ITGAE: variants seen among roughly 807,000 people sequenced by gnomAD.
ITGAE encodes the protein integrin subunit alpha E.
ITGAE carries 99 observed loss-of-function variants against 136.5 expected under a neutral mutation model. The observed-to-expected ratio is 0.73, with a 90% CI of 0.62 to 0.86. The LOEUF (loss-of-function observed/expected upper bound fraction) is 0.86, where lower values mean the gene tolerates loss of function less well. Among genes scored for constraint, ITGAE ranks in the 40% least tolerant of loss-of-function variants. The pLI is 0.00. For missense variants in ITGAE, 1,447 were observed against 1,515.3 expected, an observed-to-expected ratio of 0.95 and a Z score of 0.75; for synonymous variants, 613 against 591.8, an observed-to-expected ratio of 1.04 and a Z score of -0.52.
At chr17:3,755,440 C>A (rs1411126787) in intron 11 of ITGAE, among the ~76,000 whole-genome samples, 179 bp from the exon 12 acceptor site, 1 of 152,234 alleles carries the variant, frequency 6.6e-6, no homozygotes, top group Non-Finnish European at 1.5e-5. Context: ...CACTGGGCTC[C>A]TGCCTCGTGC....
intron 27 of ITGAE, 116 bp downstream of exon 27, chr17:3,723,572 T>G: frequency 8.4e-7 from 1 of 1,186,454 alleles, no homozygotes; most frequent in Non-Finnish European, 1.2e-6. Flanking sequence ...AGGGAGGGCC[T>G]GGCAGCCCCC....
At chr17:3,749,567 G>T (rs1003190382) in intron 16 of ITGAE, among the ~76,000 whole-genome samples, 1 of 152,052 alleles carries the variant, frequency 6.6e-6, no homozygotes, top group African/African-American at 2.4e-5. Flanking sequence ...TCTGTTTTTA[G>T]ACGTGTTCAC....
chr17:3,790,063 C>T, intron 1 of ITGAE, among the ~76,000 whole-genome samples: 1 of 152,100 alleles, frequency 6.6e-6, no homozygotes, highest in East Asian at 1.9e-4. Flanking sequence ...TAGGAGTGGG[C>T]CTCTCAGGCA....
At chr17:3,722,581 G>A (rs773088568) in intron 28 of ITGAE, 75 of 152,152 alleles carry the variant, frequency 4.9e-4, no homozygotes, top group Non-Finnish European at 9.2e-4. Flanking sequence ...CAAAGGAACA[G>A]CAAGTACAAA....
At chr17:3,729,668 C>T (rs1469363821) in intron 23 of ITGAE, 113 bp from the exon 24 acceptor site, 16 of 755,688 alleles carry the variant, frequency 2.1e-5, no homozygotes, top group Admixed American at 1.6e-4. Context: ...CGTCTCAGCT[C>T]ACTGCAACCT....
intron 23 of ITGAE, 132 bp from the exon 24 acceptor site, chr17:3,729,687 C>G: frequency 1.5e-6 from 1 of 674,950 alleles, no homozygotes. Context: ...CTCCGCCCCC[C>G]GGGTTCAAGC....
intron 1 of ITGAE, among the ~76,000 whole-genome samples, chr17:3,785,163 A>G (rs2052754074): frequency 6.6e-6 from 1 of 151,400 alleles, no homozygotes; most frequent in African/African-American, 2.4e-5. Context: ...AAAAAAGAAA[A>G]AAGAAAGAAA....
intron 6 of ITGAE, 29 bp downstream of exon 6, chr17:3,760,984 C>G: frequency 6.3e-7 from 1 of 1,586,076 alleles, no homozygotes; most frequent in Non-Finnish European, 8.5e-7. Context: ...CTGATAGACT[C>G]AGAGCAACCC....
intron 1 of ITGAE, among the ~76,000 whole-genome samples, chr17:3,788,407 A>G (rs1245017140): frequency 6.7e-6 from 1 of 150,244 alleles, no homozygotes; most frequent in East Asian, 1.9e-4. Flanking sequence ...TTCCTGCCTC[A>G]GCCTTTCGAG....
intron 26 of ITGAE, chr17:3,724,706 T>C: frequency 6.2e-7 from 1 of 1,614,226 alleles, no homozygotes; most frequent in Non-Finnish European, 8.5e-7. Flanking sequence ...CTGAGGATTC[T>C]GAGTTTCGGG....
Position 3,756,946 on chromosome 17 carries a change from C to T in ITGAE, c.1171+38G>A, listed in dbSNP as rs200950602. The T allele has an allele frequency of 5.0e-5, 80 of 1,586,392 alleles. No individual in the cohort carries two copies. The African/African-American group carries it at 6.8e-4, about 14-fold the overall frequency. ...CAGAGGCCGGGCTGGAGCATAGGCT[C>T]GGGCCTCCTGCGGTGGCCTGGGTCC... On this transcript the variant is annotated intron_variant, in intron 10 of 30. Coordinates refer to ENST00000263087, the MANE Select transcript of ITGAE (RefSeq NM_002208.5).
intron 26 of ITGAE, chr17:3,725,965 C>T: frequency 3.1e-6 from 5 of 1,613,812 alleles, no homozygotes; most frequent in East Asian, 2.2e-5. Flanking sequence ...AGCACTATCC[C>T]CAGCTGTGGG....
chr17:3,725,184 C>T lies in ITGAE; in HGVS notation c.3085-1440G>A, dbSNP rs61747720. 5.2e-4 allele frequency: 841 copies of T among 1,614,210 alleles called. 6 individuals are homozygous for T. In the African/African-American group the frequency reaches 9.5e-3, roughly 18 times the overall value. On this transcript the variant is annotated intron_variant, in intron 26 of 30. Transcript: ENST00000263087. ...TGCCACTTCTCTCTCTGGATCCCTC[C>T]TATCAGAATGTTCAAACCGGCCTGT...
At chr17:3,796,149 G>A (rs1320087893) in intron 1 of ITGAE, among the ~76,000 whole-genome samples, 4 of 13,370 alleles carry the variant, frequency 3.0e-4, no homozygotes, top group African/African-American at 1.4e-3. Context: ...GTGTGCATCC[G>A]TGTGTGTGTG....
intron 22 of ITGAE, among the ~76,000 whole-genome samples, chr17:3,731,567 C>T (rs2051345089): frequency 6.6e-6 from 1 of 151,112 alleles, no homozygotes; most frequent in Non-Finnish European, 1.5e-5. Flanking sequence ...GTCTCGAACT[C>T]CTGACCTCAA....
At chr17:3,780,942 A>G (rs1273174123) in intron 1 of ITGAE, among the ~76,000 whole-genome samples, 1 of 150,986 alleles carries the variant, frequency 6.6e-6, no homozygotes, top group Non-Finnish European at 1.5e-5. Flanking sequence ...GGGCTCAAGT[A>G]ATCCTGCCAT....
Position 3,795,786 on chromosome 17 carries a change from T to G in ITGAE, c.34+5325A>C, listed in dbSNP as rs537980731. On this transcript the variant is annotated intron_variant, in intron 1 of 30. Transcript: ENST00000263087. ...GACTGTGTACGTGCGTGTGTGCATG[T>G]GTGTGCATCCGTGTGTGCTTGTGTG... is the stretch of plus-strand genomic sequence containing the variant. Among the ~76,000 whole-genome samples the G allele has an allele frequency of 1.1e-3, 172 of 152,088 alleles. 1 individual carries two copies. The highest frequency in any genetic ancestry group is 3.7e-3 in the African/African-American group (153 of 41,486).
chr17:3,753,774 A>C lies in ITGAE; in HGVS notation c.1527+9T>G. The C allele has an allele frequency of 6.2e-7, 1 of 1,614,022 alleles. No individual in the cohort carries two copies. Among genetic ancestry groups the C allele is most frequent in the Non-Finnish European group, 8.5e-7 (1 of 1,179,982 alleles). On this transcript the variant is annotated intron_variant, in intron 13 of 30. Coordinates refer to ENST00000263087, the MANE Select transcript of ITGAE (RefSeq NM_002208.5). ...GTCATAAGGGGTGGAGGCTTTCCCC[A>C]GCAGGTACCTGCTCTCCCTCCAGCA...
intron 20 of ITGAE, among the ~76,000 whole-genome samples, chr17:3,735,187 G>T (rs2051434450): frequency 6.6e-6 from 1 of 151,980 alleles, no homozygotes; most frequent in Non-Finnish European, 1.5e-5. Flanking sequence ...ATTTTTTTGA[G>T]ACGGAGTTTC....
Sources: gnomAD v4.1 joint callset for allele counts (sites outside exome capture counted in the v4.1 genomes callset) on GRCh38, gnomAD v4.1.1 for gene constraint, MANE v1.5 for transcripts, NCBI Gene and HGNC (gene_info 2026-07-23, HGNC 2026-07-21) for gene names.